The following BBS9 variants were observed in gnomAD, a reference collection of about 807,000 sequenced individuals.
The protein encoded by BBS9 is protein PTHB1.
A neutral mutation model predicts 117.7 loss-of-function variants in BBS9; 89 were observed. That is an observed-to-expected ratio of 0.76 (90% confidence interval 0.64 to 0.90). The LOEUF (loss-of-function observed/expected upper bound fraction) is 0.90, where lower values mean the gene tolerates loss of function less well. Among genes scored for constraint, BBS9 ranks in the 40% least tolerant of loss-of-function variants. The pLI is 0.00. For missense variants in BBS9, 982 were observed against 1,042.2 expected, an observed-to-expected ratio of 0.94 and a Z score of 0.80; for synonymous variants, 379 against 370.9, an observed-to-expected ratio of 1.02 and a Z score of -0.25.
At chr7:33,294,279 CATCT>C (rs1260887000) in intron 9 of BBS9, among the ~76,000 whole-genome samples, 12 of 151,442 alleles carry the variant, frequency 7.9e-5, no homozygotes, top group East Asian at 3.9e-4. Flanking sequence ...ACAATACTTC[CATCT>C]ATCTATCATC....
chr7:33,543,581 T>C (rs186571056), intron 21 of BBS9, among the ~76,000 whole-genome samples: 1 of 152,368 alleles, frequency 6.6e-6, no homozygotes, highest in African/African-American at 2.4e-5. Flanking sequence ...ATTAATTTGA[T>C]AGGTTTTCCT....
intron 21 of BBS9, among the ~76,000 whole-genome samples, chr7:33,623,799 A>G (rs1304894242): frequency 6.6e-6 from 1 of 152,210 alleles, no homozygotes; most frequent in Non-Finnish European, 1.5e-5. Flanking sequence ...TCAGGCAAAC[A>G]TAACAACATA....
intron 20 of BBS9, among the ~76,000 whole-genome samples, chr7:33,507,184 A>G (rs775391175): frequency 2.6e-5 from 4 of 152,150 alleles, no homozygotes; most frequent in Non-Finnish European, 5.9e-5. Context: ...CATTTTATGT[A>G]TATTATTTAT....
At chr7:33,161,047 C>T (rs767323327) in intron 4 of BBS9, among the ~76,000 whole-genome samples, 2 of 152,028 alleles carry the variant, frequency 1.3e-5, no homozygotes, top group Non-Finnish European at 2.9e-5. Context: ...GTTGTCTTTC[C>T]AGGAATATGG....
intron 5 of BBS9, among the ~76,000 whole-genome samples, chr7:33,225,081 T>A (rs1790981314): frequency 6.6e-6 from 1 of 152,208 alleles, no homozygotes; most frequent in African/African-American, 2.4e-5. Context: ...AATTCAGGGT[T>A]GGTTCTCTAG....
At chr7:33,412,306 C>T (rs1831290452) in intron 19 of BBS9, among the ~76,000 whole-genome samples, 2 of 152,134 alleles carry the variant, frequency 1.3e-5, no homozygotes, top group South Asian at 2.1e-4. Flanking sequence ...CCAGACCTAA[C>T]GTTCACTCCT....
At chr7:33,294,342 TA>T (rs1804794413) in intron 9 of BBS9, among the ~76,000 whole-genome samples, 1 of 132,226 alleles carries the variant, frequency 7.6e-6, no homozygotes, top group Non-Finnish European at 1.6e-5. Context: ...TCTATCTATC[TA>T]TCTATCTATC....
At chr7:33,283,484 G>A (rs536828776) in intron 9 of BBS9, among the ~76,000 whole-genome samples, 3 of 151,580 alleles carry the variant, frequency 2.0e-5, no homozygotes, top group African/African-American at 7.3e-5. Context: ...GGTTTTTAGT[G>A]TATTTATTCT....
chr7:33,579,627 C>G (rs1026385863), intron 21 of BBS9, among the ~76,000 whole-genome samples: 1 of 152,120 alleles, frequency 6.6e-6, no homozygotes, highest in Admixed American at 6.5e-5. Flanking sequence ...ATAAGATGAC[C>G]TGGACAACAA....
chr7:33,583,001 T>C (rs1563400531), intron 21 of BBS9, among the ~76,000 whole-genome samples: 1 of 152,190 alleles, frequency 6.6e-6, no homozygotes, highest in Admixed American at 6.6e-5. Flanking sequence ...TTGCATTATC[T>C]TGAATATACC....
chr7:33,371,702 A>G (rs976544252), intron 17 of BBS9, among the ~76,000 whole-genome samples: 5 of 152,118 alleles, frequency 3.3e-5, no homozygotes, highest in African/African-American at 1.2e-4. Flanking sequence ...GTGGAGAGAT[A>G]AAGGAGCTTT....
At chr7:33,521,368 T>A (rs980027061) in intron 20 of BBS9, among the ~76,000 whole-genome samples, 2 of 152,220 alleles carry the variant, frequency 1.3e-5, no homozygotes, top group African/African-American at 4.8e-5. Flanking sequence ...TTTCATCCAA[T>A]AGGAGGCAGT....
intron 21 of BBS9, among the ~76,000 whole-genome samples, chr7:33,539,662 A>T (rs1160127712): frequency 1.3e-5 from 2 of 152,182 alleles, no homozygotes; most frequent in Non-Finnish European, 2.9e-5. Context: ...TAGTCCTTTG[A>T]TATGCAAGTT....
intron 10 of BBS9, among the ~76,000 whole-genome samples, chr7:33,337,236 A>C (rs1815573828): frequency 6.6e-6 from 1 of 152,074 alleles, no homozygotes; most frequent in South Asian, 2.1e-4. Context: ...TTTTTTGTAA[A>C]TTAAAAGGAG....
At chr7:33,484,892 G>A (rs573164554) in intron 19 of BBS9, among the ~76,000 whole-genome samples, 37 of 152,216 alleles carry the variant, frequency 2.4e-4, no homozygotes, top group Admixed American at 1.6e-3. Context: ...TGGAATCAGC[G>A]CAAATGCCTG....
At chr7:33,358,341 T>C (rs1820018477) in intron 16 of BBS9, among the ~76,000 whole-genome samples, 1 of 151,860 alleles carries the variant, frequency 6.6e-6, no homozygotes, top group African/African-American at 2.4e-5. Context: ...TATATCTGTC[T>C]TCTAAGTGTA....
rs189488694 is a variant in BBS9 at position 33,166,789 on chromosome 7, C to T, written c.329-10689C>T. 1.8e-4 allele frequency among the ~76,000 whole-genome samples: 28 copies of T among 152,354 alleles called. 1 individual carries two copies. In the East Asian group the frequency reaches 4.0e-3, roughly 22 times the overall value. ...CCGTTTTTCCACGTACAGTCTGTCA[C>T]GGCTTCCCTTGGCTAGGAAAGGGAT... On this transcript the variant is annotated intron_variant, in intron 4 of 22. Transcript: ENST00000242067.
At chr7:33,252,228 A>C (rs1270014521) in intron 5 of BBS9, among the ~76,000 whole-genome samples, 1 of 152,112 alleles carries the variant, frequency 6.6e-6, no homozygotes, top group African/African-American at 2.4e-5. Flanking sequence ...TTCATGAAGG[A>C]CCACCCTCGT....
At chr7:33,478,291 C>A (rs879748104) in intron 19 of BBS9, among the ~76,000 whole-genome samples, 9 of 152,146 alleles carry the variant, frequency 5.9e-5, no homozygotes, top group Admixed American at 5.9e-4. Flanking sequence ...GGTTTACCAA[C>A]ACCTGGGGCC....
Sources: allele counts gnomAD v4.1 joint callset (sites outside exome capture counted in the v4.1 genomes callset), GRCh38; gene constraint gnomAD v4.1.1; transcripts MANE v1.5; gene names NCBI Gene and HGNC (gene_info 2026-07-23, HGNC 2026-07-21).